ATF7IP2: variants seen among roughly 807,000 people sequenced by gnomAD.
ATF7IP2 encodes the protein activating transcription factor 7 interacting protein 2, also known as activating transcription factor 7-interacting protein 2.
A neutral mutation model predicts 64.2 loss-of-function variants in ATF7IP2; 42 were observed. That is an observed-to-expected ratio of 0.65 (90% confidence interval 0.51 to 0.85). The LOEUF (loss-of-function observed/expected upper bound fraction) is 0.85, where lower values mean the gene tolerates loss of function less well. Among genes scored for constraint, ATF7IP2 ranks in the 40% least tolerant of loss-of-function variants. The pLI, the probability that ATF7IP2 is intolerant of heterozygous loss-of-function variation, is 0.00. For synonymous variants in ATF7IP2, 308 were observed against 272.8 expected (o/e 1.13, Z -1.27); for missense variants, 933 against 784.2 (o/e 1.19, Z -2.27).
rs2047684400 is a variant in ATF7IP2 at position 10,408,350 on chromosome 16, A to T, written c.-241-6224A>T. ...TAATGACTACTTTTCCTCTAGGTGGATACCCAATAGTGGGATTGCCGGGTC... is the reference window on the plus strand; with the variant it reads ...TAATGACTACTTTTCCTCTAGGTGGTTACCCAATAGTGGGATTGCCGGGTC... On this transcript the variant is annotated intron_variant, in intron 1 of 13. Coordinates refer to ENST00000562102, the MANE Select transcript of ATF7IP2 (RefSeq NM_001393719.1). Among the ~76,000 whole-genome samples the T allele has an allele frequency of 2.6e-5, 4 of 152,164 alleles. No individual in the cohort carries two copies. The South Asian group carries it at 8.3e-4, about 32-fold the overall frequency.
chr16:10,459,802 A>G (rs945514933), intron 9 of ATF7IP2, among the ~76,000 whole-genome samples: 1 of 152,220 alleles, frequency 6.6e-6, no homozygotes, highest in Admixed American at 6.5e-5. Flanking sequence ...TAATCTGACA[A>G]AAATTATCTA....
intron 7 of ATF7IP2, among the ~76,000 whole-genome samples, chr16:10,439,533 C>CTTTTTT (rs760337763): frequency 5.8e-5 from 6 of 102,972 alleles, no homozygotes; most frequent in Non-Finnish European, 9.5e-5. Flanking sequence ...CGCCCCCAGC[C>CTTTTTT]TTTTTTTTTT....
At chr16:10,392,122 C>G (rs1164795262) in intron 1 of ATF7IP2, among the ~76,000 whole-genome samples, 4 of 143,440 alleles carry the variant, frequency 2.8e-5, no homozygotes, top group Admixed American at 7.2e-5. Context: ...GGCAAGATCT[C>G]AGCTCACTGC....
At position 10,431,512 on chromosome 16, in the gene ATF7IP2, G is replaced by A. The variant is rs190035787; in HGVS notation, c.835+57G>A. On this transcript the variant is annotated intron_variant, in intron 5 of 13. Coordinates refer to ENST00000562102, the MANE Select transcript of ATF7IP2 (RefSeq NM_001393719.1). ...ATTAAAATAGTCACTTTTCTTTAGG[G>A]TATTTTAAAGTCTCAAATATACAAA... 1.9e-5 allele frequency: 22 copies of A among 1,182,332 alleles called. 1 individual carries two copies. Among genetic ancestry groups the A allele is most frequent in the Middle Eastern group, 2.1e-4 (1 of 4,718 alleles). 73.2% of individuals were successfully genotyped at this position (1,182,332 alleles called of 1,614,324 possible). A position where few individuals can be genotyped will look rare whatever the true frequency, so the allele number is the denominator to read the frequency against.
chr16:10,460,445 T>G (rs992507237), intron 9 of ATF7IP2, among the ~76,000 whole-genome samples: 2 of 152,146 alleles, frequency 1.3e-5, no homozygotes, highest in African/African-American at 2.4e-5. Flanking sequence ...GGAAGGAATT[T>G]GCCATCAGAC....
chr16:10,470,823 G>GTATA lies in ATF7IP2; in HGVS notation c.1353-1275_1353-1272dup, dbSNP rs1340268411. On this transcript the variant is annotated intron_variant, in intron 9 of 13. Coordinates refer to ENST00000562102, the MANE Select transcript of ATF7IP2 (RefSeq NM_001393719.1). ...TATGTATATATATATATGTGTGTGT[G>GTATA]TATATATATATATATGTGTGTGTAT... Among the ~76,000 whole-genome samples the GTATA allele has an allele frequency of 4.9e-3, 700 of 143,872 alleles. 6 individuals carry two copies. The highest frequency in any genetic ancestry group is 0.02 in the East Asian group (101 of 4,964). 94.4% of individuals were successfully genotyped at this position (143,872 alleles called of 152,430 possible). A position where few individuals can be genotyped will look rare whatever the true frequency, so the allele number is the denominator to read the frequency against.
chr16:10,396,909 C>T (rs879641553), intron 1 of ATF7IP2, among the ~76,000 whole-genome samples: 1 of 152,098 alleles, frequency 6.6e-6, no homozygotes, highest in Non-Finnish European at 1.5e-5. Context: ...TCAAGCAGTC[C>T]TCCTGCTTTG....
At chr16:10,391,650 C>G (rs2047326774) in intron 1 of ATF7IP2, among the ~76,000 whole-genome samples, 1 of 152,068 alleles carries the variant, frequency 6.6e-6, no homozygotes, top group South Asian at 2.1e-4. Flanking sequence ...GTAATCCCAG[C>G]ACTTTAGGAG....
At chr16:10,400,873 G>C (rs2047517293) in intron 1 of ATF7IP2, among the ~76,000 whole-genome samples, 1 of 152,150 alleles carries the variant, frequency 6.6e-6, no homozygotes, top group Non-Finnish European at 1.5e-5. Flanking sequence ...GTAGAGACAG[G>C]GTTTCGCCAT....
chr16:10,434,227 A>G (rs1488538835), intron 6 of ATF7IP2, among the ~76,000 whole-genome samples: 2 of 152,174 alleles, frequency 1.3e-5, no homozygotes, highest in Non-Finnish European at 2.9e-5. Context: ...TCATTGTACT[A>G]CAGTCTCAGT....
intron 8 of ATF7IP2, among the ~76,000 whole-genome samples, chr16:10,442,774 C>G (rs2048671984): frequency 1.3e-5 from 2 of 152,152 alleles, no homozygotes; most frequent in Non-Finnish European, 2.9e-5. Context: ...TTTTCACAGG[C>G]CATTTGGCCC....
intron 12 of ATF7IP2, among the ~76,000 whole-genome samples, chr16:10,478,910 T>A (rs1282559165): frequency 6.6e-6 from 1 of 152,172 alleles, no homozygotes; most frequent in African/African-American, 2.4e-5. Context: ...ATGCTCACCA[T>A]CACTGGCCAT....
chr16:10,464,860 G>A (rs1275839918), intron 9 of ATF7IP2, among the ~76,000 whole-genome samples: 5 of 152,086 alleles, frequency 3.3e-5, no homozygotes, highest in Admixed American at 6.5e-5. Context: ...ACGGAGTTTC[G>A]CTCTTGTTAT....
At chr16:10,422,208 A>G (rs1170396682) in intron 3 of ATF7IP2, among the ~76,000 whole-genome samples, 1 of 152,190 alleles carries the variant, frequency 6.6e-6, no homozygotes, top group African/African-American at 2.4e-5. Context: ...GTTCTATCCA[A>G]ATTGGCTTAT....
chr16:10,436,322 GC>G (rs1474760267), intron 6 of ATF7IP2, among the ~76,000 whole-genome samples: 1 of 152,078 alleles, frequency 6.6e-6, no homozygotes, highest in Non-Finnish European at 1.5e-5. Flanking sequence ...GGATCACGCT[GC>G]TGCACTGCAG....
chr16:10,469,093 T>C (rs561438401), intron 9 of ATF7IP2, among the ~76,000 whole-genome samples: 3 of 152,278 alleles, frequency 2.0e-5, no homozygotes, highest in Non-Finnish European at 2.9e-5. Flanking sequence ...AATTTTACAA[T>C]ATCTGACATC....
chr16:10,433,795 C>G (rs1010709029), intron 6 of ATF7IP2, 146 bp downstream of exon 6: 2 of 830,490 alleles, frequency 2.4e-6, no homozygotes, highest in Non-Finnish European at 1.9e-6. Flanking sequence ...ATCAGACAGA[C>G]TGGGGAGAGA....
At chr16:10,450,340 C>A (rs1431073280) in intron 8 of ATF7IP2, among the ~76,000 whole-genome samples, 1 of 152,068 alleles carries the variant, frequency 6.6e-6, no homozygotes, top group African/African-American at 2.4e-5. Context: ...TCCACTTGGT[C>A]CAGAGTTGAG....
At chr16:10,472,396 T>G (rs2049833338) in intron 10 of ATF7IP2, among the ~76,000 whole-genome samples, 1 of 152,212 alleles carries the variant, frequency 6.6e-6, no homozygotes, top group South Asian at 2.1e-4. Context: ...TTTTATCAGT[T>G]TAGGGCCTTT....
Sources: gnomAD v4.1 joint callset for allele counts (sites outside exome capture counted in the v4.1 genomes callset) on GRCh38, gnomAD v4.1.1 for gene constraint, MANE v1.5 for transcripts, NCBI Gene and HGNC (gene_info 2026-07-23, HGNC 2026-07-21) for gene names.